The following SLC7A9 variants were observed in gnomAD, a reference collection of about 807,000 sequenced individuals.
SLC7A9 encodes B(0,+)-type amino acid transporter 1.
Under a neutral mutation model 54.1 loss-of-function variants are expected in SLC7A9, and 38 were observed. The observed-to-expected ratio is 0.70, with a 90% confidence interval of 0.54 to 0.92. SLC7A9 has a LOEUF of 0.92. Ranked by LOEUF, SLC7A9 falls within the 40% of genes least tolerant of loss-of-function variation. SLC7A9 has a pLI of 0.00. For synonymous variants in SLC7A9, 264 were observed against 258.9 expected, an observed-to-expected ratio of 1.02 and a Z score of -0.19; for missense variants, 537 against 636.1, an observed-to-expected ratio of 0.84 and a Z score of 1.68.
chr19:32,845,431 G>A (rs527797831), intron 9 of SLC7A9, among the ~76,000 whole-genome samples: 18 of 151,300 alleles, frequency 1.2e-4, no homozygotes, highest in Admixed American at 5.3e-4. Context: ...GGAAGCGGAG[G>A]TTGCAGTGAG....
In SLC7A9 at chr19:32,867,150, T is replaced by C. The variant is rs143741551; in HGVS notation, c.87+1298A>G. Among the ~76,000 whole-genome samples the C allele has an allele frequency of 2.9e-3, 434 of 152,232 alleles. 3 individuals are homozygous for C. The highest frequency in any genetic ancestry group is 9.8e-3 in the African/African-American group (406 of 41,556). On this transcript the variant is annotated intron_variant, in intron 2 of 12. Coordinates refer to ENST00000023064, the MANE Select transcript of SLC7A9 (RefSeq NM_014270.5). Reference sequence around the variant, plus strand: ...GCTATGCTGGGGGCAGTACTTCCCATCACTACAGCCATTCAGATATAAGGA... The same window carrying C: ...GCTATGCTGGGGGCAGTACTTCCCACCACTACAGCCATTCAGATATAAGGA...
intron 6 of SLC7A9, among the ~76,000 whole-genome samples, chr19:32,861,465 A>G (rs1968797835): frequency 6.6e-6 from 1 of 152,158 alleles, no homozygotes; most frequent in Non-Finnish European, 1.5e-5. Context: ...AGGCTCCCAA[A>G]CCTAATGATT....
At chr19:32,841,449 G>A (rs998426834) in intron 11 of SLC7A9, among the ~76,000 whole-genome samples, 34 of 152,200 alleles carry the variant, frequency 2.2e-4, no homozygotes, top group African/African-American at 6.7e-4. Flanking sequence ...AAAGGAGGCC[G>A]GCATAGTGGC....
At position 32,832,477 on chromosome 19, in the gene SLC7A9, C is replaced by T. The variant is rs543280094; in HGVS notation, c.1399+672G>A. Among the ~76,000 whole-genome samples, 9 of 151,670 alleles carry T rather than the reference C, an allele frequency of 5.9e-5. 1 individual carries two copies. In the South Asian group the frequency reaches 1.0e-3, roughly 18 times the overall value. The stretch of plus-strand genomic sequence containing the variant: ...TGGTGCACACCTGTAATCCCAGCTA[C>T]TCGGAAGGCTGAGGCACAAGAATCG... On this transcript the variant is annotated intron_variant, in intron 12 of 12. Transcript: ENST00000023064.
At chr19:32,864,405 C>A (rs761642734) in intron 3 of SLC7A9, 67 bp from the exon 4 acceptor site, 5 of 1,605,112 alleles carry the variant, frequency 3.1e-6, no homozygotes, top group Non-Finnish European at 4.2e-6. Context: ...AGGGAGCCTT[C>A]CTCCCACCGG....
rs200721127 is a variant in SLC7A9 at position 32,833,167 on chromosome 19, A to G, written c.1381T>C (p.Trp461Arg). ...YFLFVHYKFG[W>R]AQKISKPITM... ...TACTTACTTGAGATTTTCTGAGCCCATCCAAACTTGTAGTGGACAAACAGG... is the reference window on the plus strand; with the variant it reads ...TACTTACTTGAGATTTTCTGAGCCCGTCCAAACTTGTAGTGGACAAACAGG... Residue 461 changes from tryptophan (W) to arginine (R), a missense_variant, in exon 12 of 13, where the codon TGG (tryptophan) becomes CGG (arginine). Physicochemically the swap from Trp to Arg is moderately radical, Grantham distance 101 (BLOSUM62 -3). Transcript: ENST00000023064. 13 of 1,614,178 alleles carry G rather than the reference A, an allele frequency of 8.1e-6. No individual in the cohort carries two copies. The East Asian group carries it at 1.6e-4, about 19-fold the overall frequency.
intron 9 of SLC7A9, among the ~76,000 whole-genome samples, chr19:32,854,700 G>T (rs1353776005): frequency 6.6e-6 from 1 of 151,966 alleles, no homozygotes; most frequent in African/African-American, 2.4e-5. Flanking sequence ...CAATTCTCCT[G>T]CCTCAGCCTC....
intron 7 of SLC7A9, 102 bp from the exon 8 acceptor site, chr19:32,860,066 G>A (rs1174494357): frequency 2.5e-6 from 4 of 1,603,948 alleles, no homozygotes; most frequent in East Asian, 2.3e-5. Context: ...TTCGCAGGTA[G>A]CAGAGGCCCA....
chr19:32,865,946 G>A (rs1353502576), intron 2 of SLC7A9, among the ~76,000 whole-genome samples: 10 of 79,706 alleles, frequency 1.3e-4, no homozygotes, highest in African/African-American at 3.2e-4. Context: ...CTGGGTGACA[G>A]TGAGACTGTC....
In SLC7A9 at chr19:32,862,447, C is replaced by A. The variant is rs1968828519; in HGVS notation, c.604+14G>T. ...GGTGTGTGCCCGTGCAGGGCCCACC[C>A]TCCCGTGGGTCACCTTGGGCCAGGA... On this transcript the variant is annotated intron_variant, in intron 5 of 12. Transcript: ENST00000023064. 2 of 1,612,440 alleles carry A rather than the reference C, an allele frequency of 1.2e-6. No individual in the cohort carries two copies. The highest frequency in any genetic ancestry group is 2.2e-5 in the South Asian group (2 of 90,992).
chr19:32,845,622 A>C (rs1025240279), intron 9 of SLC7A9, among the ~76,000 whole-genome samples: 6 of 152,270 alleles, frequency 3.9e-5, no homozygotes, highest in Admixed American at 6.5e-5. Flanking sequence ...TGATCATATA[A>C]AAATCTAGAT....
chr19:32,833,385 A>G lies in SLC7A9; in HGVS notation c.1225-62T>C, dbSNP rs1486174874. 9 of 1,496,460 alleles carry G rather than the reference A, an allele frequency of 6.0e-6. No individual in the cohort carries two copies. The East Asian group carries it at 2.1e-4, about 34-fold the overall frequency. The allele number at this position is 1,496,460 out of a possible 1,614,324, so 92.7% of individuals were successfully genotyped here. On this transcript the variant is annotated intron_variant, in intron 11 of 12. Coordinates refer to ENST00000023064, the MANE Select transcript of SLC7A9 (RefSeq NM_014270.5). ...TTTTTGAAATTTTTCATGATAAAAA[A>G]CCGATTTTTATAAAAAGAGTATGAA...
intron 9 of SLC7A9, among the ~76,000 whole-genome samples, chr19:32,848,155 C>T (rs1401961069): frequency 1.6e-4 from 25 of 152,352 alleles, no homozygotes; most frequent in Non-Finnish European, 3.4e-4. Context: ...CAGCTAACAT[C>T]ATAATGACAG....
At chr19:32,849,074 A>G (rs1423191277) in intron 9 of SLC7A9, among the ~76,000 whole-genome samples, 2 of 152,178 alleles carry the variant, frequency 1.3e-5, no homozygotes, top group African/African-American at 4.8e-5. Context: ...TGCCCACAAG[A>G]GAAAGCAGGA....
intron 9 of SLC7A9, among the ~76,000 whole-genome samples, chr19:32,855,090 A>G (rs1473231977): frequency 1.3e-5 from 2 of 152,232 alleles, no homozygotes; most frequent in Non-Finnish European, 2.9e-5. Flanking sequence ...AATGTAATAG[A>G]TACACAATGG....
In SLC7A9 at chr19:32,858,441, T is replaced by C. The variant is rs1968692129; in HGVS notation, c.976A>G (p.Arg326Gly). The change falls in exon 9 of 13, where the codon AGA becomes GGA. Residue 326 changes from arginine to glycine, a missense_variant and splice_region_variant. By Grantham distance (125) the Arg-to-Gly change is moderately radical. Transcript: ENST00000023064. The stretch of plus-strand genomic sequence containing the variant: ...GGAGTGACGGTGGGGGTCCCCTACC[T>C]GCCCGCTGTGAAGCAGGTCCCGTTA... ...AANGTCFTAG[R>G]LIYVAGREGH... 1.2e-6 allele frequency: 2 copies of C among 1,611,654 alleles called. No homozygotes were observed. The highest frequency in any genetic ancestry group is 1.7e-6 in the Non-Finnish European group (2 of 1,178,894).
chr19:32,834,430 G>C (rs765504637), intron 11 of SLC7A9, among the ~76,000 whole-genome samples: 1 of 152,110 alleles, frequency 6.6e-6, no homozygotes, highest in Non-Finnish European at 1.5e-5. Context: ...AGGAGTTCAA[G>C]ATCAGCCTGG....
At chr19:32,855,930 G>A (rs76189031) in intron 9 of SLC7A9, among the ~76,000 whole-genome samples, 2,025 of 152,146 alleles carry the variant, frequency 0.013, 54 homozygotes, top group African/African-American at 0.047. Flanking sequence ...AGCTGTCTTG[G>A]TAAATTCTTC....
chr19:32,845,375 AC>A (rs1968257096), intron 9 of SLC7A9, among the ~76,000 whole-genome samples: 1 of 151,184 alleles, frequency 6.6e-6, no homozygotes, highest in Admixed American at 6.6e-5. Context: ...GGCACCTGTA[AC>A]CTCAGCTGAG....
Sources: allele counts gnomAD v4.1 joint callset (sites outside exome capture counted in the v4.1 genomes callset), GRCh38; gene constraint gnomAD v4.1.1; transcripts MANE v1.5; gene names NCBI Gene and HGNC (gene_info 2026-07-23, HGNC 2026-07-21).